The following DDX6 variants were observed in gnomAD, a reference collection of about 807,000 sequenced individuals.
The protein encoded by DDX6 is DEAD-box helicase 6.
In DDX6, 7 loss-of-function variants were observed where a neutral mutation model predicts 60.6. That is an observed-to-expected ratio of 0.12 (90% confidence interval 0.07 to 0.22). DDX6 has a LOEUF of 0.22. Among genes scored for constraint, DDX6 ranks in the 10% least tolerant of loss-of-function variants. DDX6 has a pLI of 1.00. For missense variants in DDX6, 270 were observed against 589.9 expected, an observed-to-expected ratio of 0.46 and a Z score of 5.62; for synonymous variants, 207 against 201.0, an observed-to-expected ratio of 1.03 and a Z score of -0.25.
intron 3 of DDX6, 32 bp from the exon 4 acceptor site, chr11:118,779,768 A>C (rs782427913): frequency 6.8e-7 from 1 of 1,469,722 alleles, no homozygotes; most frequent in South Asian, 1.2e-5. Context: ...ATAAAAGAAT[A>C]AATAACACTG....
chr11:118,770,552 G>A (rs1388251732), intron 4 of DDX6, among the ~76,000 whole-genome samples: 1 of 152,058 alleles, frequency 6.6e-6, no homozygotes, highest in Non-Finnish European at 1.5e-5. Context: ...ATATAAATGG[G>A]TTCCATATGG....
intron 11 of DDX6, 136 bp downstream of exon 11, chr11:118,756,124 T>A (rs1208949157): frequency 1.6e-6 from 1 of 621,600 alleles, no homozygotes; most frequent in African/African-American, 1.9e-5. Flanking sequence ...GAGTTCATTT[T>A]CAACTTCAGA....
intron 13 of DDX6, among the ~76,000 whole-genome samples, chr11:118,754,422 G>A (rs1362568523): frequency 6.6e-6 from 1 of 152,132 alleles, no homozygotes; most frequent in Non-Finnish European, 1.5e-5. Flanking sequence ...AAAACAAATT[G>A]CTGAAAAACA....
intron 4 of DDX6, among the ~76,000 whole-genome samples, chr11:118,769,944 G>A (rs1399226946): frequency 1.3e-5 from 2 of 151,602 alleles, no homozygotes; most frequent in African/African-American, 4.9e-5. Flanking sequence ...TCCTGACCTC[G>A]TGATCCACCC....
intron 6 of DDX6, among the ~76,000 whole-genome samples, chr11:118,764,888 A>G (rs1861300539): frequency 6.6e-6 from 1 of 152,040 alleles, no homozygotes; most frequent in African/African-American, 2.4e-5. Context: ...TGCCCATGAT[A>G]GAGATGTAAG....
rs147103778 is a variant in DDX6, at chr11:118,786,274, T to C, written c.-23A>G. The C allele has an allele frequency of 1.3e-6, 2 of 1,574,228 alleles. No individual in the cohort carries two copies. The highest frequency in any genetic ancestry group is 1.4e-5 in the African/African-American group (1 of 73,372). On this transcript the variant is annotated 5_prime_UTR_variant, in exon 2 of 14. Coordinates refer to ENST00000534980, the MANE Select transcript of DDX6 (RefSeq NM_004397.6). ...CATGCTGTTTTAATTGCAAAGGTCT[T>C]TCAAACTTCAAAACTTTTGAAAGTC...
chr11:118,790,165 G>T (rs1226856044), intron 1 of DDX6: 1 of 152,142 alleles, frequency 6.6e-6, no homozygotes, highest in Non-Finnish European at 1.5e-5. Flanking sequence ...CTGAGGAAGA[G>T]AAAGGAGAGA....
At chr11:118,763,514 G>GT (rs11464764) in intron 6 of DDX6, among the ~76,000 whole-genome samples, 152,212 of 152,212 alleles carry the variant, frequency 1, 76,106 homozygotes, top group Non-Finnish European at 1. Flanking sequence ...CCACAACATT[G>GT]TATGCAGCAC....
chr11:118,756,471 A>G (rs782150455), intron 10 of DDX6, 148 bp from the exon 11 acceptor site: 7 of 480,406 alleles, frequency 1.5e-5, no homozygotes, highest in Non-Finnish European at 2.6e-5. Flanking sequence ...CAAATGAGTT[A>G]AGTTCTTGAT....
In DDX6 at chr11:118,764,754, A is replaced by G. The variant is rs973073911; in HGVS notation, c.646+455T>C. 4.6e-5 allele frequency among the ~76,000 whole-genome samples: 7 copies of G among 151,696 alleles called. No individual in the cohort carries two copies. The East Asian group carries it at 1.4e-3, about 29-fold the overall frequency. The stretch of plus-strand genomic sequence containing the variant: ...GGGAGGCGGAGATTGCAGTGAGTCA[A>G]GATTGCGCCTCTGCACTCCAGCCTG... On this transcript the variant is annotated intron_variant, in intron 6 of 13. Coordinates refer to ENST00000534980, the MANE Select transcript of DDX6 (RefSeq NM_004397.6).
intron 5 of DDX6, among the ~76,000 whole-genome samples, chr11:118,766,669 C>A (rs192983737): frequency 6.6e-6 from 1 of 152,092 alleles, no homozygotes. Context: ...TCTCGGCCCA[C>A]TGCAACCTCT....
chr11:118,762,714 AC>A (rs1249287857), intron 7 of DDX6, among the ~76,000 whole-genome samples: 1 of 152,182 alleles, frequency 6.6e-6, no homozygotes, highest in Non-Finnish European at 1.5e-5. Flanking sequence ...TGTAAAGTGA[AC>A]CATCTTAAGT....
At chr11:118,759,002 C>G (rs577248128) in intron 8 of DDX6, 100 bp from the exon 9 acceptor site, 450 of 1,478,732 alleles carry the variant, frequency 3.0e-4, no homozygotes, top group Non-Finnish European at 3.8e-4. Flanking sequence ...CCGATAAACT[C>G]TTGCTGTAAG....
chr11:118,755,106 C>A (rs1555158412), intron 12 of DDX6, among the ~76,000 whole-genome samples: 1 of 152,164 alleles, frequency 6.6e-6, no homozygotes, highest in Non-Finnish European at 1.5e-5. Context: ...TCTCAAATGA[C>A]AAAATGGCAG....
chr11:118,785,341 T>C (rs1862038624), intron 2 of DDX6, among the ~76,000 whole-genome samples: 1 of 152,088 alleles, frequency 6.6e-6, no homozygotes, highest in Admixed American at 6.6e-5. Flanking sequence ...TTAGTTCCCT[T>C]TTTATATGTA....
intron 4 of DDX6, among the ~76,000 whole-genome samples, chr11:118,773,161 A>C (rs181485554): frequency 1.2e-3 from 183 of 152,344 alleles, no homozygotes; most frequent in Admixed American, 2.1e-3. Flanking sequence ...TAGCATTGAG[A>C]GGCATTTTAC....
At chr11:118,777,242 T>C (rs199674094) in intron 4 of DDX6, among the ~76,000 whole-genome samples, 1 of 55,610 alleles carries the variant, frequency 1.8e-5, no homozygotes, top group Non-Finnish European at 4.4e-5. Context: ...ACTCCACACA[T>C]GTTGGCTCAA....
intron 4 of DDX6, among the ~76,000 whole-genome samples, chr11:118,768,704 C>T (rs565762345): frequency 1.4e-4 from 22 of 152,120 alleles, no homozygotes; most frequent in African/African-American, 5.3e-4. Flanking sequence ...AGCAAAGCCT[C>T]CTTCAAATAA....
chr11:118,781,600 G>A (rs1861902545), intron 2 of DDX6, among the ~76,000 whole-genome samples: 3 of 152,168 alleles, frequency 2.0e-5, no homozygotes, highest in Non-Finnish European at 2.9e-5. Context: ...GATTATAGGT[G>A]TGAGCCACCA....
Sources: gnomAD v4.1 joint callset for allele counts (sites outside exome capture counted in the v4.1 genomes callset) on GRCh38, gnomAD v4.1.1 for gene constraint, MANE v1.5 for transcripts, NCBI Gene and HGNC (gene_info 2026-07-23, HGNC 2026-07-21) for gene names.